The following NCKAP5 variants were observed in gnomAD, a reference collection of about 807,000 sequenced individuals.
The protein encoded by NCKAP5 is NCK associated protein 5, also known as nck-associated protein 5.
NCKAP5 carries 92 observed loss-of-function variants against 167.0 expected under a neutral mutation model. That is an observed-to-expected ratio of 0.55 (90% CI 0.47 to 0.66). The LOEUF (loss-of-function observed/expected upper bound fraction) is 0.66, where lower values mean the gene tolerates loss of function less well. NCKAP5 is among the 30% of genes least tolerant of loss of function. The pLI, the probability that NCKAP5 is intolerant of heterozygous loss-of-function variation, is 0.00. For missense variants in NCKAP5, 2,378 were observed against 2,315.0 expected (o/e 1.03, Z -0.56); for synonymous variants, 891 against 877.4 (o/e 1.02, Z -0.27).
At chr2:133,527,448 A>C (rs1441764708) in intron 2 of NCKAP5, among the ~76,000 whole-genome samples, 1 of 152,012 alleles carries the variant, frequency 6.6e-6, no homozygotes, top group Non-Finnish European at 1.5e-5. Context: ...TTTCCACTTT[A>C]AGAGGTTATT....
At chr2:133,055,322 T>C (rs138757762) in intron 6 of NCKAP5, among the ~76,000 whole-genome samples, 1 of 151,802 alleles carries the variant, frequency 6.6e-6, no homozygotes, top group Non-Finnish European at 1.5e-5. Context: ...GGAAGAGAAG[T>C]AGGAAGGAGC....
At chr2:133,075,203 A>G (rs1158906115) in intron 6 of NCKAP5, among the ~76,000 whole-genome samples, 1 of 152,200 alleles carries the variant, frequency 6.6e-6, no homozygotes, top group Non-Finnish European at 1.5e-5. Context: ...AGAATAGTAA[A>G]ACGGTACTTT....
At chr2:133,543,643 T>C (rs1575131052) in intron 2 of NCKAP5, among the ~76,000 whole-genome samples, 1 of 152,342 alleles carries the variant, frequency 6.6e-6, no homozygotes. Flanking sequence ...TTTGGCTTTC[T>C]CCATCTTTAT....
At chr2:133,604,585 T>C in the NCKAP5 span, among the ~76,000 whole-genome samples, 1 of 152,012 alleles carries the variant, frequency 6.6e-6, no homozygotes, top group African/African-American at 2.4e-5. Flanking sequence ...ACTGTACTTG[T>C]TATCACCGAG....
intron 3 of NCKAP5, among the ~76,000 whole-genome samples, chr2:133,446,481 C>A (rs1691201760): frequency 6.6e-6 from 1 of 152,122 alleles, no homozygotes; most frequent in Non-Finnish European, 1.5e-5. Context: ...TAATATGGCA[C>A]CTACTTTAAA....
chr2:132,817,349 T>C, intron 11 of NCKAP5, among the ~76,000 whole-genome samples: 1 of 152,306 alleles, frequency 6.6e-6, no homozygotes, highest in Non-Finnish European at 1.5e-5. Context: ...ACGGCTGCCA[T>C]AATCATTTTA....
intron 19 of NCKAP5, among the ~76,000 whole-genome samples, chr2:132,688,844 A>C (rs1686322064): frequency 6.6e-6 from 1 of 151,734 alleles, no homozygotes; most frequent in Admixed American, 6.6e-5. Context: ...AAATTAGCTG[A>C]GTGTGGTGGC....
rs538193374 is a variant in NCKAP5 at position 133,246,687 on chromosome 2, C to T, written c.144-32908G>A. On this transcript the variant is annotated intron_variant, in intron 4 of 19. Transcript: ENST00000409261. ...TATATTTGCATTTATATGCATACCG[C>T]GTTGAAAATAAAATGTGTTTCTCAC... Among the ~76,000 whole-genome samples the T allele has an allele frequency of 1.1e-4, 16 of 152,282 alleles. 1 individual carries two copies. Among genetic ancestry groups the T allele is most frequent in the African/African-American group, 2.2e-4 (9 of 41,550 alleles).
At chr2:133,488,616 C>T (rs896229708) in intron 3 of NCKAP5, among the ~76,000 whole-genome samples, 14 of 151,922 alleles carry the variant, frequency 9.2e-5, no homozygotes, top group Admixed American at 7.2e-4. Context: ...GAGGACTGCT[C>T]GAGCCCAGGA....
rs566762067 is a variant in NCKAP5 at position 132,876,558 on chromosome 2, C to G, written c.648+2290G>C. The stretch of plus-strand genomic sequence containing the variant: ...TGGCATTATTACTACATTCAACTAC[C>G]CCATTGAGAGTGTTCTCTTACAATG... On this transcript the variant is annotated intron_variant, in intron 9 of 19. Coordinates refer to ENST00000409261, the MANE Select transcript of NCKAP5 (RefSeq NM_207363.3). Among the ~76,000 whole-genome samples, 27 of 152,252 alleles carry G rather than the reference C, an allele frequency of 1.8e-4. 1 individual carries two copies. The South Asian group carries it at 2.9e-3, about 16-fold the overall frequency.
chr2:133,028,824 T>C (rs1268337094), intron 6 of NCKAP5, among the ~76,000 whole-genome samples: 1 of 152,154 alleles, frequency 6.6e-6, no homozygotes, highest in African/African-American at 2.4e-5. Context: ...AGCATAATCT[T>C]CTTGGTGCTG....
chr2:132,858,632 T>C (rs1689648178), intron 11 of NCKAP5, among the ~76,000 whole-genome samples: 1 of 152,214 alleles, frequency 6.6e-6, no homozygotes, highest in Admixed American at 6.5e-5. Context: ...ATCATTATTC[T>C]TCACAGAACT....
At chr2:133,627,956 T>C in the NCKAP5 span, among the ~76,000 whole-genome samples, 2 of 152,236 alleles carry the variant, frequency 1.3e-5, no homozygotes, top group South Asian at 2.1e-4. Flanking sequence ...ACTTGAGAAA[T>C]GTGACATGAG....
At chr2:132,697,356 A>C (rs1687439006) in intron 19 of NCKAP5, among the ~76,000 whole-genome samples, 1 of 152,256 alleles carries the variant, frequency 6.6e-6, no homozygotes, top group South Asian at 2.1e-4. Context: ...TGTACATTTA[A>C]ATTTTATAGT....
At chr2:132,849,122 A>G (rs554720555) in intron 11 of NCKAP5, among the ~76,000 whole-genome samples, 1 of 130,108 alleles carries the variant, frequency 7.7e-6, no homozygotes, top group East Asian at 2.5e-4. Flanking sequence ...TAATTAATAG[A>G]CAGGCTTCGC....
At chr2:133,596,596 G>A in the NCKAP5 span, among the ~76,000 whole-genome samples, 9 of 152,146 alleles carry the variant, frequency 5.9e-5, no homozygotes, top group African/African-American at 1.9e-4. Flanking sequence ...GGATAACCCC[G>A]AGGTCGCCAG....
At chr2:133,464,449 G>GC (rs940541380) in intron 3 of NCKAP5, among the ~76,000 whole-genome samples, 3 of 94 alleles carry the variant, frequency 0.032, no homozygotes, top group Non-Finnish European at 0.045. Flanking sequence ...CCAGCCCTTT[G>GC]GGGGCCAAGG....
chr2:132,681,688 T>C (rs1685254234), intron 19 of NCKAP5, among the ~76,000 whole-genome samples: 1 of 152,172 alleles, frequency 6.6e-6, no homozygotes, highest in Non-Finnish European at 1.5e-5. Flanking sequence ...TGGGTGGACA[T>C]CATAGAATTA....
At chr2:133,377,727 G>A (rs1372555272) in intron 3 of NCKAP5, among the ~76,000 whole-genome samples, 1 of 152,174 alleles carries the variant, frequency 6.6e-6, no homozygotes, top group Admixed American at 6.6e-5. Context: ...TTAGAACAAA[G>A]GTGGCAGAAT....
Sources: gnomAD v4.1 joint callset for allele counts (sites outside exome capture counted in the v4.1 genomes callset) on GRCh38, gnomAD v4.1.1 for gene constraint, MANE v1.5 for transcripts, NCBI Gene and HGNC (gene_info 2026-07-23, HGNC 2026-07-21) for gene names.